Variants in NCK2 observed in about 807,000 individuals in gnomAD.
NCK2 encodes the protein cytoplasmic protein NCK2.
NCK2 carries 16 observed loss-of-function variants against 33.9 expected under a neutral mutation model. The observed-to-expected ratio is 0.47, with a 90% CI of 0.32 to 0.72. The LOEUF is 0.72. Ranked by LOEUF, NCK2 falls within the 30% of genes least tolerant of loss-of-function variation. The probability of loss-of-function intolerance (pLI) is 0.03; values close to 1 mark genes in which losing one functional copy is unlikely to be tolerated. For missense variants in NCK2, 418 were observed against 537.3 expected, an observed-to-expected ratio of 0.78 and a Z score of 2.19; for synonymous variants, 273 against 239.9, an observed-to-expected ratio of 1.14 and a Z score of -1.27.
chr2:105,772,050 G>A (rs534834823), intron 1 of NCK2, among the ~76,000 whole-genome samples: 225 of 152,244 alleles, frequency 1.5e-3, no homozygotes, highest in East Asian at 3.9e-3. Context: ...TGTAAGCTGC[G>A]TCCTGCCTGT....
At chr2:105,750,155 C>A (rs971990659) in intron 1 of NCK2, among the ~76,000 whole-genome samples, 1 of 151,976 alleles carries the variant, frequency 6.6e-6, no homozygotes, top group Admixed American at 6.6e-5. Context: ...ACCCCGGGGC[C>A]GGCAGGGCTG....
intron 1 of NCK2, among the ~76,000 whole-genome samples, chr2:105,753,587 C>T (rs1188823785): frequency 6.6e-6 from 1 of 152,124 alleles, no homozygotes; most frequent in Non-Finnish European, 1.5e-5. Flanking sequence ...TGTGGTGGGT[C>T]CCCACCCTTG....
intron 1 of NCK2, among the ~76,000 whole-genome samples, chr2:105,756,743 C>T (rs1412193736): frequency 1.3e-5 from 2 of 152,220 alleles, no homozygotes; most frequent in African/African-American, 2.4e-5. Context: ...AAACATTTGC[C>T]TTCACGCAGT....
chr2:105,789,554 A>G (rs532401206), intron 1 of NCK2, among the ~76,000 whole-genome samples: 2 of 152,286 alleles, frequency 1.3e-5, no homozygotes, highest in East Asian at 1.9e-4. Context: ...AGTTCTTTCT[A>G]GTTGAAGAGA....
chr2:105,786,446 GC>G (rs1288764644), intron 1 of NCK2, among the ~76,000 whole-genome samples: 3 of 152,202 alleles, frequency 2.0e-5, no homozygotes, highest in African/African-American at 7.2e-5. Flanking sequence ...TGGAGACCTG[GC>G]TGCCAGCCTT....
intron 4 of NCK2, among the ~76,000 whole-genome samples, chr2:105,888,427 G>A (rs879485700): frequency 6.6e-6 from 1 of 152,188 alleles, no homozygotes; most frequent in Non-Finnish European, 1.5e-5. Flanking sequence ...TAGGAAATGC[G>A]GACAGTGGGA....
intron 1 of NCK2, among the ~76,000 whole-genome samples, chr2:105,772,623 A>G (rs977830081): frequency 6.6e-6 from 1 of 152,110 alleles, no homozygotes; most frequent in Non-Finnish European, 1.5e-5. Context: ...TGCAGTCATT[A>G]TTGCAGAGGA....
chr2:105,803,737 A>C (rs558427938), intron 1 of NCK2, among the ~76,000 whole-genome samples: 26 of 152,296 alleles, frequency 1.7e-4, no homozygotes, highest in African/African-American at 6.3e-4. Flanking sequence ...GCTCTTCTTC[A>C]GTTTCTCTTA....
intron 2 of NCK2, among the ~76,000 whole-genome samples, chr2:105,837,592 G>GC (rs1676480709): frequency 6.6e-6 from 1 of 152,178 alleles, no homozygotes; most frequent in Non-Finnish European, 1.5e-5. Context: ...GAGGCACAGT[G>GC]CAAGAGTTTC....
At position 105,881,551 on chromosome 2, in the gene NCK2, G is replaced by T; in HGVS notation, c.450G>T (p.Arg150=). Residue 150 remains arginine (R), a synonymous_variant, in exon 4 of 5, where the codon CGG becomes CGT. Coordinates refer to ENST00000233154, the MANE Select transcript of NCK2 (RefSeq NM_003581.5). The stretch of plus-strand genomic sequence containing the variant: ...AGAAGTGCAGCGACGGTTGGTGGCG[G>T]GGCAGCTACAACGGGCAGATCGGCT... The part of the protein sequence containing the change: ...VMEKCSDGWW[R]GSYNGQIGWF... 1 of 1,613,992 alleles carries T rather than the reference G, an allele frequency of 6.2e-7. No individual in the cohort carries two copies. Among genetic ancestry groups the T allele is most frequent in the Non-Finnish European group, 8.5e-7 (1 of 1,180,016 alleles).
In NCK2 at chr2:105,893,443, A is replaced by G; in HGVS notation, c.*267A>G. 2.4e-6 allele frequency: 1 copy of G among 413,048 alleles called. No homozygotes were observed. Among genetic ancestry groups the G allele is most frequent in the Non-Finnish European group, 4.5e-6 (1 of 223,268 alleles). The allele number at this position is 413,048 out of a possible 1,614,324, so 25.6% of individuals were successfully genotyped here. Reference sequence around the variant, plus strand: ...TTTCCATCGGAAGTGGCGCTCGTGCATTCAACTCGTTCCCGCTCATGGAAC... The same window carrying G: ...TTTCCATCGGAAGTGGCGCTCGTGCGTTCAACTCGTTCCCGCTCATGGAAC... On this transcript the variant is annotated 3_prime_UTR_variant, in exon 5 of 5. Transcript: ENST00000233154.
At chr2:105,818,770 C>A (rs987225922) in intron 2 of NCK2, among the ~76,000 whole-genome samples, 1 of 152,146 alleles carries the variant, frequency 6.6e-6, no homozygotes, top group Non-Finnish European at 1.5e-5. Flanking sequence ...ACTATGGAAT[C>A]TTTTGGTGTG....
chr2:105,785,195 G>T (rs918820926), intron 1 of NCK2, among the ~76,000 whole-genome samples: 52 of 152,266 alleles, frequency 3.4e-4, no homozygotes, highest in African/African-American at 1.0e-3. Context: ...AGCCAGGATG[G>T]TCTCCATCTC....
Position 105,889,568 on chromosome 2 carries a change from TTTC to T in NCK2, c.949-3411_949-3409del, listed in dbSNP as rs1472762359. Among the ~76,000 whole-genome samples, 66 of 105,272 alleles carry T rather than the reference TTTC, an allele frequency of 6.3e-4. No individual in the cohort carries two copies. In the South Asian group the frequency reaches 0.012, roughly 19 times the overall value. 69.1% of individuals were successfully genotyped at this position (105,272 alleles called of 152,430 possible). A position where few individuals can be genotyped will look rare whatever the true frequency, so the allele number is the denominator to read the frequency against. ...TTGAGGCAGAGCCTGAGAATTTGCA[TTTC>T]TTTTTTTTTTTTTTTTTTTTTAATT... On this transcript the variant is annotated intron_variant, in intron 4 of 4. Coordinates refer to ENST00000233154, the MANE Select transcript of NCK2 (RefSeq NM_003581.5).
chr2:105,820,347 C>T (rs767394917), intron 2 of NCK2, among the ~76,000 whole-genome samples: 17 of 152,184 alleles, frequency 1.1e-4, no homozygotes, highest in Non-Finnish European at 2.1e-4. Context: ...TAAATGCTGG[C>T]CTGGTAGAAC....
chr2:105,767,106 ATC>A (rs1172344522), intron 1 of NCK2, among the ~76,000 whole-genome samples: 1 of 152,116 alleles, frequency 6.6e-6, no homozygotes, highest in Non-Finnish European at 1.5e-5. Flanking sequence ...GTGCCTGCTT[ATC>A]TCTCTGGAGC....
chr2:105,763,362 C>A (rs1689828770), intron 1 of NCK2, among the ~76,000 whole-genome samples: 1 of 152,142 alleles, frequency 6.6e-6, no homozygotes, highest in Admixed American at 6.5e-5. Context: ...ACAGGCATTG[C>A]AGAAAAGTAG....
intron 4 of NCK2, among the ~76,000 whole-genome samples, chr2:105,886,722 C>G (rs1447965262): frequency 1.3e-5 from 2 of 152,174 alleles, no homozygotes; most frequent in African/African-American, 4.8e-5. Context: ...CAATATTCTA[C>G]AGGTCTATAT....
At position 105,795,645 on chromosome 2, in the gene NCK2, C is replaced by T. The variant is rs186525036; in HGVS notation, c.-200-20785C>T. 7.7e-4 allele frequency among the ~76,000 whole-genome samples: 118 copies of T among 152,278 alleles called. 1 individual carries two copies. The Middle Eastern group carries it at 0.014, about 18-fold the overall frequency. ...ATATTCAGCAGGCAGTGTCTGCAGGCGTTGTTGATTGTCACCAATTTAGGC... is the reference window on the plus strand; with the variant it reads ...ATATTCAGCAGGCAGTGTCTGCAGGTGTTGTTGATTGTCACCAATTTAGGC... On this transcript the variant is annotated intron_variant, in intron 1 of 4. Coordinates refer to ENST00000233154, the MANE Select transcript of NCK2 (RefSeq NM_003581.5).
Sources: allele counts gnomAD v4.1 joint callset (sites outside exome capture counted in the v4.1 genomes callset), GRCh38; gene constraint gnomAD v4.1.1; transcripts MANE v1.5; gene names NCBI Gene and HGNC (gene_info 2026-07-23, HGNC 2026-07-21).